JMJD1C: variants seen among roughly 807,000 people sequenced by gnomAD.
JMJD1C encodes jumonji domain containing 1C, also known as jumonji domain-containing protein 1C.
In JMJD1C, 31 loss-of-function variants were observed where a neutral mutation model predicts 245.3. The ratio of observed to expected loss-of-function variants is 0.13; its 90% CI spans 0.09 to 0.17. The LOEUF (loss-of-function observed/expected upper bound fraction) is 0.17, where lower values mean the gene tolerates loss of function less well. Among genes scored for constraint, JMJD1C ranks in the 10% least tolerant of loss-of-function variants. The pLI is 1.00. For synonymous variants in JMJD1C, 1,057 were observed against 1,017.4 expected (o/e 1.04, Z -0.74); for missense variants, 2,691 against 3,000.2 (o/e 0.90, Z 2.41).
rs151051706 is a variant in JMJD1C, at chr10:63,423,611, G to A, written c.168+41884C>T. On this transcript the variant is annotated intron_variant, in intron 1 of 25. Transcript: ENST00000399262. ...TTGTCTATTTTGAATAATGGTACTG[G>A]CATACAAGTATCTGTTTGAGTCTTT... 2.8e-3 allele frequency among the ~76,000 whole-genome samples: 432 copies of A among 152,260 alleles called. 2 individuals carry two copies. Among genetic ancestry groups the A allele is most frequent in the Non-Finnish European group, 3.0e-3 (206 of 68,016 alleles).
In JMJD1C at chr10:63,206,668, A is replaced by T; in HGVS notation, c.5001T>A (p.Asp1667Glu). The T allele has an allele frequency of 1.2e-6, 2 of 1,612,550 alleles. No individual in the cohort carries two copies. The highest frequency in any genetic ancestry group is 1.7e-6 in the Non-Finnish European group (2 of 1,179,580). ...LQKRKGEIEE[D>E]LKPNGVLSRS... ...TGCTGAGAACTCCATTGGGTTTCAA[A>T]TCTTCTTCTATTTCACCTTTTCTCT... Residue 1667 changes from aspartate (D) to glutamate (E), a missense_variant, in exon 10 of 26, where the codon GAT (aspartate) becomes GAA (glutamate). Physicochemically the swap from Asp to Glu is conservative, Grantham distance 45. Coordinates refer to ENST00000399262, the MANE Select transcript of JMJD1C (RefSeq NM_032776.3).
At position 63,465,719 on chromosome 10, in the gene JMJD1C, C is replaced by A; in HGVS notation, c.-57G>T. On this transcript the variant is annotated 5_prime_UTR_variant, in exon 1 of 26. It adds an upstream start codon to the 5' untranslated region. Transcript: ENST00000399262. The stretch of plus-strand genomic sequence containing the variant: ...TCCAGTGCGAGGGAACCGATGAAAC[C>A]TCACTCCTACCGGCCGCTCATGCTG... 6.3e-7 allele frequency: 1 copy of A among 1,583,848 alleles called. No homozygotes were observed. The highest frequency in any genetic ancestry group is 1.1e-5 in the South Asian group (1 of 90,142).
At chr10:63,273,741 A>G (rs184557502) in intron 2 of JMJD1C, among the ~76,000 whole-genome samples, 82 of 152,284 alleles carry the variant, frequency 5.4e-4, no homozygotes, top group African/African-American at 1.9e-3. Context: ...CTGCCCAGAA[A>G]TACACATCTC....
intron 2 of JMJD1C, among the ~76,000 whole-genome samples, chr10:63,354,245 T>C (rs540453573): frequency 6.6e-5 from 10 of 152,220 alleles, no homozygotes; most frequent in African/African-American, 1.4e-4. Flanking sequence ...CATGAATCAA[T>C]TGTCCCCACA....
chr10:63,219,782 CT>C (rs1276006314), intron 4 of JMJD1C, 95 bp downstream of exon 4: 1 of 727,204 alleles, frequency 1.4e-6, no homozygotes, highest in Non-Finnish European at 2.4e-6. Context: ...TGGACTGGGC[CT>C]TCTATTTATA....
intron 1 of JMJD1C, among the ~76,000 whole-genome samples, chr10:63,511,879 G>A (rs1954883333): frequency 6.6e-6 from 1 of 152,136 alleles, no homozygotes; most frequent in African/African-American, 2.4e-5. Flanking sequence ...CATGTATACT[G>A]AGGAATAACT....
intron 3 of JMJD1C, chr10:63,222,474 T>C (rs1848714977): frequency 1.0e-6 from 1 of 979,272 alleles, no homozygotes; most frequent in Non-Finnish European, 1.7e-6. Flanking sequence ...AAAGGGAAAG[T>C]TGTGGCAGTA....
Position 63,201,820 on chromosome 10 carries a change from C to T in JMJD1C, c.5075-1143G>A, listed in dbSNP as rs1287514692. ...TGGCGCATACCTGTAGTCCCAGCTA[C>T]TCGGGAGGCTGAGGCAGGAGAATCA... is the stretch of plus-strand genomic sequence containing the variant. On this transcript the variant is annotated intron_variant, in intron 10 of 25. Transcript: ENST00000399262. Among the ~76,000 whole-genome samples, 7 of 151,802 alleles carry T rather than the reference C, an allele frequency of 4.6e-5. No individual in the cohort carries two copies. In the East Asian group the frequency reaches 9.7e-4, roughly 21 times the overall value.
intron 3 of JMJD1C, among the ~76,000 whole-genome samples, chr10:63,242,125 G>A (rs1851556476): frequency 6.6e-6 from 1 of 152,174 alleles, no homozygotes; most frequent in Non-Finnish European, 1.5e-5. Context: ...AGGGGCATGC[G>A]AAAAGAATGC....
intron 1 of JMJD1C, among the ~76,000 whole-genome samples, chr10:63,396,448 A>G (rs1948492697): frequency 6.6e-6 from 1 of 152,302 alleles, no homozygotes; most frequent in South Asian, 2.1e-4. Flanking sequence ...TGCTTTAAAA[A>G]GGCAAATATA....
intron 3 of JMJD1C, chr10:63,223,110 G>A: frequency 2.2e-6 from 1 of 446,712 alleles, no homozygotes; most frequent in Non-Finnish European, 3.8e-6. Flanking sequence ...CTTACCGATA[G>A]TTTCAGTAAA....
chr10:63,492,183 G>A (rs953200872), intron 1 of JMJD1C, among the ~76,000 whole-genome samples: 2 of 152,170 alleles, frequency 1.3e-5, no homozygotes, highest in Non-Finnish European at 2.9e-5. Context: ...ACAGGCCCAT[G>A]CCACCATGCC....
At chr10:63,367,230 TTTTTG>T (rs1487100811) in intron 2 of JMJD1C, among the ~76,000 whole-genome samples, 6 of 152,040 alleles carry the variant, frequency 3.9e-5, no homozygotes, top group Non-Finnish European at 8.8e-5. Flanking sequence ...CCCTAGTTTT[TTTTTG>T]TTTTTGTTTT....
chr10:63,445,183 G>A (rs746183410), intron 1 of JMJD1C, among the ~76,000 whole-genome samples: 11 of 152,118 alleles, frequency 7.2e-5, no homozygotes, highest in East Asian at 3.9e-4. Context: ...CCACGCCATC[G>A]TACTCCAACC....
chr10:63,368,192 A>C (rs1353838983), intron 2 of JMJD1C, among the ~76,000 whole-genome samples: 1 of 152,232 alleles, frequency 6.6e-6, no homozygotes, highest in African/African-American at 2.4e-5. Context: ...CTAGTTTACT[A>C]TTGGGCATTA....
chr10:63,380,711 A>G (rs772213528), intron 1 of JMJD1C, among the ~76,000 whole-genome samples: 9 of 152,238 alleles, frequency 5.9e-5, no homozygotes, highest in Non-Finnish European at 1.2e-4. Context: ...GAAAAATACA[A>G]TAAATTATTG....
chr10:63,364,977 T>C (rs1378263786), intron 2 of JMJD1C, among the ~76,000 whole-genome samples: 2 of 152,232 alleles, frequency 1.3e-5, no homozygotes, highest in South Asian at 2.1e-4. Flanking sequence ...AGGAGGAATA[T>C]TTCCAAAATT....
intron 1 of JMJD1C, among the ~76,000 whole-genome samples, chr10:63,418,631 A>C (rs560384864): frequency 6.6e-6 from 1 of 152,336 alleles, no homozygotes; most frequent in East Asian, 1.9e-4. Context: ...ACAAACAATA[A>C]AAGGCTTACA....
intron 1 of JMJD1C, among the ~76,000 whole-genome samples, chr10:63,435,273 A>G (rs1950998517): frequency 6.6e-6 from 1 of 152,148 alleles, no homozygotes; most frequent in Non-Finnish European, 1.5e-5. Flanking sequence ...TCACTCCACA[A>G]ACAAAATCTC....
Sources: gnomAD v4.1 joint callset for allele counts (sites outside exome capture counted in the v4.1 genomes callset) on GRCh38, gnomAD v4.1.1 for gene constraint, MANE v1.5 for transcripts, NCBI Gene and HGNC (gene_info 2026-07-23, HGNC 2026-07-21) for gene names.